MIPOL1: variants seen among roughly 807,000 people sequenced by gnomAD.
MIPOL1 encodes mirror-image polydactyly gene 1 protein.
In MIPOL1, 57 loss-of-function variants were observed where a neutral mutation model predicts 60.9. That is an observed-to-expected ratio of 0.94 (90% CI 0.76 to 1.17). MIPOL1 has a LOEUF of 1.17. Among genes scored for constraint, MIPOL1 ranks in the 50% most tolerant of loss-of-function variants. The probability of loss-of-function intolerance (pLI) is 0.00; values close to 1 mark genes in which losing one functional copy is unlikely to be tolerated. For synonymous variants in MIPOL1, 179 were observed against 168.8 expected (o/e 1.06, Z -0.47); for missense variants, 551 against 511.6 (o/e 1.08, Z -0.74).
intron 11 of MIPOL1, among the ~76,000 whole-genome samples, chr14:37,424,711 C>T (rs1356003721): frequency 6.6e-6 from 1 of 152,166 alleles, no homozygotes; most frequent in African/African-American, 2.4e-5. Flanking sequence ...GAATTAGTGT[C>T]TATAAGTGGG....
intron 3 of MIPOL1, among the ~76,000 whole-genome samples, chr14:37,248,700 A>G (rs1227543698): frequency 1.3e-5 from 2 of 152,144 alleles, no homozygotes; most frequent in East Asian, 1.9e-4. Flanking sequence ...AAAATCCACC[A>G]GAGAAACAGA....
At chr14:37,223,839 T>G (rs1486582284) in intron 1 of MIPOL1, among the ~76,000 whole-genome samples, 1 of 152,220 alleles carries the variant, frequency 6.6e-6, no homozygotes, top group Admixed American at 6.5e-5. Context: ...TTTATTAAAT[T>G]TAAAGGGCTG....
At chr14:37,241,242 G>A (rs1972308025) in intron 1 of MIPOL1, among the ~76,000 whole-genome samples, 1 of 152,094 alleles carries the variant, frequency 6.6e-6, no homozygotes, top group South Asian at 2.1e-4. Context: ...GCTTTCTAGA[G>A]GTCAGTCTTT....
intron 9 of MIPOL1, among the ~76,000 whole-genome samples, chr14:37,339,839 C>T (rs1367508481): frequency 6.6e-6 from 1 of 152,072 alleles, no homozygotes; most frequent in Non-Finnish European, 1.5e-5. Context: ...GAGATTGGTG[C>T]AGACTGGCTT....
chr14:37,270,695 G>GT lies in MIPOL1; in HGVS notation c.493+171dup, dbSNP rs562633304. Among the ~76,000 whole-genome samples the GT allele has an allele frequency of 3.6e-3, 508 of 143,092 alleles. 2 individuals are homozygous for GT. Among genetic ancestry groups the GT allele is most frequent in the Non-Finnish European group, 5.6e-3 (376 of 67,126 alleles). 93.9% of individuals were successfully genotyped at this position (143,092 alleles called of 152,430 possible). ...GAAAATAGGTGGCTTTAACATCCTG[G>GT]TACTGGTATTAGTGAGAGCTTTACC... On this transcript the variant is annotated intron_variant, in intron 6 of 12. Transcript: ENST00000684589.
rs1309923586 is a variant in MIPOL1, at chr14:37,548,639, T to C, written c.*1668T>C. On this transcript the variant is annotated 3_prime_UTR_variant, in exon 13 of 13. Transcript: ENST00000684589. Reference sequence around the variant, plus strand: ...ATTATCTTTAAAGTCATCTGGGAGGTGCAGGTAAGTAAAGAGAAACAATTT... The same window carrying C: ...ATTATCTTTAAAGTCATCTGGGAGGCGCAGGTAAGTAAAGAGAAACAATTT... The C allele has an allele frequency of 6.6e-6, 1 of 151,856 alleles. No homozygotes were observed. Among genetic ancestry groups the C allele is most frequent in the Admixed American group, 6.6e-5 (1 of 15,236 alleles). 9.4% of individuals were successfully genotyped at this position (151,856 alleles called of 1,614,324 possible).
intron 6 of MIPOL1, among the ~76,000 whole-genome samples, chr14:37,283,214 C>T (rs141236518): frequency 2.6e-5 from 4 of 151,996 alleles, no homozygotes; most frequent in African/African-American, 7.2e-5. Flanking sequence ...CACGGGTGCC[C>T]GCCACCACAT....
intron 11 of MIPOL1, among the ~76,000 whole-genome samples, chr14:37,429,976 A>G (rs1359246554): frequency 6.6e-6 from 1 of 152,106 alleles, no homozygotes; most frequent in East Asian, 1.9e-4. Flanking sequence ...CTCAATGCAA[A>G]TCCCTCACCA....
chr14:37,354,992 C>A (rs1472026511), intron 9 of MIPOL1, among the ~76,000 whole-genome samples: 1 of 115,628 alleles, frequency 8.6e-6, no homozygotes, highest in Non-Finnish European at 1.8e-5. Flanking sequence ...GATGCAGTTT[C>A]TTCCTAGTCT....
chr14:37,203,567 A>G (rs1156555697), intron 1 of MIPOL1, among the ~76,000 whole-genome samples: 1 of 152,110 alleles, frequency 6.6e-6, no homozygotes, highest in Non-Finnish European at 1.5e-5. Context: ...GCTCACTTCT[A>G]CTAGAATATG....
At chr14:37,297,672 G>GCT (rs1389080588) in intron 7 of MIPOL1, among the ~76,000 whole-genome samples, 1 of 148,318 alleles carries the variant, frequency 6.7e-6, no homozygotes, top group Non-Finnish European at 1.5e-5. Context: ...CAGACAAACA[G>GCT]AGAGCCAAAT....
At chr14:37,354,088 G>C (rs1471842520) in intron 9 of MIPOL1, among the ~76,000 whole-genome samples, 4 of 150,908 alleles carry the variant, frequency 2.7e-5, no homozygotes, top group Admixed American at 6.6e-5. Flanking sequence ...ATGTGTCCCA[G>C]AGATTCTGGT....
intron 11 of MIPOL1, among the ~76,000 whole-genome samples, chr14:37,470,937 C>T (rs1229832752): frequency 3.9e-5 from 6 of 152,076 alleles, no homozygotes; most frequent in Non-Finnish European, 8.8e-5. Context: ...ACTGGCAACT[C>T]CAAAATGAGG....
At chr14:37,516,017 C>T (rs1210624880) in intron 12 of MIPOL1, among the ~76,000 whole-genome samples, 3 of 152,152 alleles carry the variant, frequency 2.0e-5, no homozygotes, top group Admixed American at 2.0e-4. Flanking sequence ...AGGGGAATGC[C>T]TAATGACTGG....
At chr14:37,267,420 G>A (rs1384928061) in intron 4 of MIPOL1, among the ~76,000 whole-genome samples, 2 of 151,960 alleles carry the variant, frequency 1.3e-5, no homozygotes, top group Admixed American at 6.6e-5. Flanking sequence ...CCTGGGAGGC[G>A]GAGGTTGCAG....
At chr14:37,369,259 A>G (rs2092570081) in intron 9 of MIPOL1, among the ~76,000 whole-genome samples, 2 of 152,038 alleles carry the variant, frequency 1.3e-5, no homozygotes, top group South Asian at 2.1e-4. Context: ...TTTGACCTTA[A>G]TTTTATAAAA....
At chr14:37,303,630 G>A (rs915681304) in intron 7 of MIPOL1, among the ~76,000 whole-genome samples, 1 of 151,706 alleles carries the variant, frequency 6.6e-6, no homozygotes, top group African/African-American at 2.4e-5. Flanking sequence ...GTCTTTTAGA[G>A]TATTAGTATT....
chr14:37,335,779 G>A (rs190441336), intron 9 of MIPOL1, among the ~76,000 whole-genome samples: 207 of 152,064 alleles, frequency 1.4e-3, no homozygotes, highest in African/African-American at 4.9e-3. Context: ...AGCTGGATTT[G>A]TTATTGTTTG....
chr14:37,354,106 G>T lies in MIPOL1; in HGVS notation c.829-15411G>T, dbSNP rs915870607. The stretch of plus-strand genomic sequence containing the variant: ...TGTCCCAGAGATTCTGGTATGTTGT[G>T]TCTTTGTTCTCGTTGGTTTCAAAGA... On this transcript the variant is annotated intron_variant, in intron 9 of 12. Coordinates refer to ENST00000684589, the MANE Select transcript of MIPOL1 (RefSeq NM_001388067.1). Among the ~76,000 whole-genome samples the T allele has an allele frequency of 3.1e-3, 466 of 150,502 alleles. 4 individuals are homozygous for T. The highest frequency in any genetic ancestry group is 9.7e-3 in the African/African-American group (396 of 40,946).
Sources: allele counts gnomAD v4.1 joint callset (sites outside exome capture counted in the v4.1 genomes callset), GRCh38; gene constraint gnomAD v4.1.1; transcripts MANE v1.5; gene names NCBI Gene and HGNC (gene_info 2026-07-23, HGNC 2026-07-21).